Variants in SLC30A7 observed in about 807,000 individuals in gnomAD.
The protein encoded by SLC30A7 is solute carrier family 30 member 7, also known as zinc transporter 7.
SLC30A7 carries 35 observed loss-of-function variants against 46.0 expected under a neutral mutation model. That is an observed-to-expected ratio of 0.76 (90% CI 0.58 to 1.01). SLC30A7 has a LOEUF of 1.01. Ranked by LOEUF, SLC30A7 falls within the 50% of genes least tolerant of loss-of-function variation. SLC30A7 has a pLI of 0.00. For missense variants in SLC30A7, 464 were observed against 451.1 expected (o/e 1.03, Z -0.26); for synonymous variants, 147 against 157.8 (o/e 0.93, Z 0.51).
chr1:100,992,731 C>A, the SLC30A7 span: 6 of 1,611,732 alleles, frequency 3.7e-6, no homozygotes, highest in Admixed American at 5.0e-5. Flanking sequence ...GTTCATAGAT[C>A]TTCCTTCCCC....
At chr1:100,961,939 A>G (rs1311257933) in intron 9 of SLC30A7, 21 bp downstream of exon 9, 6 of 1,447,116 alleles carry the variant, frequency 4.1e-6, no homozygotes, top group Non-Finnish European at 5.7e-6. Context: ...AATACTCCAA[A>G]CCATTGGATT....
At chr1:100,910,092 A>G (rs926037149) in intron 3 of SLC30A7, among the ~76,000 whole-genome samples, 1 of 152,118 alleles carries the variant, frequency 6.6e-6, no homozygotes, top group African/African-American at 2.4e-5. Flanking sequence ...ACAAACTCCA[A>G]CATAACTTGA....
chr1:100,959,731 C>T (rs1655432160), intron 8 of SLC30A7, among the ~76,000 whole-genome samples: 1 of 152,144 alleles, frequency 6.6e-6, no homozygotes, highest in Admixed American at 6.5e-5. Context: ...AGTGATGTCT[C>T]ATCACTTTGT....
chr1:100,905,893 G>A (rs1570505704), intron 2 of SLC30A7, among the ~76,000 whole-genome samples: 2 of 152,130 alleles, frequency 1.3e-5, no homozygotes, highest in East Asian at 3.9e-4. Flanking sequence ...TGGTTCTGTT[G>A]ACTGTTGTAG....
intron 9 of SLC30A7, among the ~76,000 whole-genome samples, chr1:100,964,608 CT>C (rs942860830): frequency 7.2e-5 from 11 of 152,098 alleles, no homozygotes; most frequent in African/African-American, 2.7e-4. Flanking sequence ...TGTAACTACA[CT>C]GTCCTCCCAT....
chr1:100,943,082 G>T (rs544868223), intron 8 of SLC30A7, among the ~76,000 whole-genome samples: 5 of 152,260 alleles, frequency 3.3e-5, no homozygotes, highest in African/African-American at 9.6e-5. Context: ...TTCTCCAGCA[G>T]ACAGTAGCTG....
chr1:100,951,813 C>T (rs1282542799), intron 8 of SLC30A7, among the ~76,000 whole-genome samples: 1 of 152,150 alleles, frequency 6.6e-6, no homozygotes, highest in Non-Finnish European at 1.5e-5. Context: ...CCAAAGATGG[C>T]CAAGTCCTAA....
intron 8 of SLC30A7, among the ~76,000 whole-genome samples, chr1:100,932,693 A>G (rs1219864992): frequency 1.3e-5 from 2 of 152,140 alleles, no homozygotes; most frequent in Non-Finnish European, 2.9e-5. Flanking sequence ...GGAGTGTGTT[A>G]GAGTGTTCTA....
At chr1:100,983,304 AAAAG>A (rs1300261805), downstream of SLC30A7, among the ~76,000 whole-genome samples, 1 of 151,932 alleles carries the variant, frequency 6.6e-6, no homozygotes, top group Admixed American at 6.6e-5. Flanking sequence ...CTTTCCAAAA[AAAAG>A]AAACAGCATT....
At chr1:100,909,996 A>G (rs1651980690) in intron 3 of SLC30A7, among the ~76,000 whole-genome samples, 1 of 152,146 alleles carries the variant, frequency 6.6e-6, no homozygotes, top group African/African-American at 2.4e-5. Context: ...TTGACAAGTA[A>G]TACGTTATTT....
intron 8 of SLC30A7, among the ~76,000 whole-genome samples, chr1:100,952,984 G>A (rs1655036146): frequency 6.6e-6 from 1 of 152,196 alleles, no homozygotes; most frequent in Non-Finnish European, 1.5e-5. Context: ...TTGGAGGAAG[G>A]ACCTGGTGGA....
chr1:100,928,766 G>A (rs1653478953), intron 8 of SLC30A7, among the ~76,000 whole-genome samples: 1 of 152,052 alleles, frequency 6.6e-6, no homozygotes, highest in Non-Finnish European at 1.5e-5. Flanking sequence ...ACACGCAGAG[G>A]TCACATAACC....
downstream of SLC30A7, among the ~76,000 whole-genome samples, chr1:100,984,088 T>G (rs910485818): frequency 6.6e-6 from 1 of 152,212 alleles, no homozygotes; most frequent in African/African-American, 2.4e-5. Flanking sequence ...GACTTCCCAC[T>G]GGCTTCCAAA....
chr1:100,896,185 G>T lies in SLC30A7; in HGVS notation c.-78G>T. The T allele has an allele frequency of 7.7e-7, 1 of 1,290,580 alleles. No homozygotes were observed. Among genetic ancestry groups the T allele is most frequent in the Non-Finnish European group, 1.1e-6 (1 of 889,112 alleles). The allele number at this position is 1,290,580 out of a possible 1,614,324, so 79.9% of individuals were successfully genotyped here. A position where few individuals can be genotyped will look rare whatever the true frequency, so the allele number is the denominator to read the frequency against. On this transcript the variant is annotated 5_prime_UTR_variant, in exon 1 of 11. Transcript: ENST00000357650. ...AGCGCTGGGGATTCCCGTTTGAGGC[G>T]TCACTACTGTCACTGCCATCACCCC...
At chr1:100,930,892 C>T (rs1248307099) in intron 8 of SLC30A7, among the ~76,000 whole-genome samples, 2 of 152,056 alleles carry the variant, frequency 1.3e-5, no homozygotes, top group African/African-American at 4.8e-5. Flanking sequence ...AGTCTAACAG[C>T]CTTTCTCAAT....
At chr1:100,957,169 G>GT (rs1655270246) in intron 8 of SLC30A7, among the ~76,000 whole-genome samples, 1 of 152,158 alleles carries the variant, frequency 6.6e-6, no homozygotes, top group Non-Finnish European at 1.5e-5. Flanking sequence ...CCTTAAACAA[G>GT]TTACTTTGGT....
intron 8 of SLC30A7, among the ~76,000 whole-genome samples, chr1:100,922,570 G>A (rs1653016623): frequency 6.6e-6 from 1 of 152,158 alleles, no homozygotes; most frequent in Admixed American, 6.5e-5. Context: ...TAGAAGTCTT[G>A]TAAAAATGCT....
the SLC30A7 span, among the ~76,000 whole-genome samples, chr1:100,993,590 A>C: frequency 3.9e-5 from 5 of 129,604 alleles, no homozygotes; most frequent in African/African-American, 1.5e-4. Context: ...ATATATATAT[A>C]TATATATAGC....
chr1:100,903,650 A>C (rs1274659444), intron 2 of SLC30A7, among the ~76,000 whole-genome samples: 1 of 152,166 alleles, frequency 6.6e-6, no homozygotes. Flanking sequence ...CAGTGGAATA[A>C]ATAAGGTTCA....
Sources: allele counts gnomAD v4.1 joint callset (sites outside exome capture counted in the v4.1 genomes callset), GRCh38; gene constraint gnomAD v4.1.1; transcripts MANE v1.5; gene names NCBI Gene and HGNC (gene_info 2026-07-23, HGNC 2026-07-21).